Variants in DDX31 observed in about 807,000 individuals in gnomAD.
DDX31 encodes DEAD-box helicase 31, also known as ATP-dependent DNA helicase DDX31.
A neutral mutation model predicts 91.3 loss-of-function variants in DDX31; 70 were observed. The ratio of observed to expected loss-of-function variants is 0.77; its 90% CI spans 0.63 to 0.94. The LOEUF is 0.94. Among genes scored for constraint, DDX31 ranks in the 40% least tolerant of loss-of-function variants. DDX31 has a pLI of 0.00. For missense variants in DDX31, 902 were observed against 925.0 expected, an observed-to-expected ratio of 0.98 and a Z score of 0.32; for synonymous variants, 362 against 350.6, an observed-to-expected ratio of 1.03 and a Z score of -0.36.
At chr9:132,654,945 C>CAAAAAAAAA (rs140953433) in intron 6 of DDX31, among the ~76,000 whole-genome samples, 1 of 90,228 alleles carries the variant, frequency 1.1e-5, no homozygotes. Context: ...GACTCTGTCT[C>CAAAAAAAAA]AAAAAAAAAA....
At chr9:132,667,772 C>G (rs1011766347) in intron 1 of DDX31, among the ~76,000 whole-genome samples, 1 of 152,172 alleles carries the variant, frequency 6.6e-6, no homozygotes, top group African/African-American at 2.4e-5. Context: ...GCAGAGGACA[C>G]AAGCACCCCA....
rs1480060962 is a variant in DDX31, at chr9:132,593,164, T to C, written c.*1702A>G. The C allele has an allele frequency of 6.6e-6, 1 of 152,218 alleles. No homozygotes were observed. Among genetic ancestry groups the C allele is most frequent in the African/African-American group, 2.4e-5 (1 of 41,450 alleles). The allele number at this position is 152,218 out of a possible 1,614,324, so 9.4% of individuals were successfully genotyped here. ...AACCCTCACCATAAGAGTTAGCAGA[T>C]TAAGTGTGTAAGTTTTGATCTTGGA... On this transcript the variant is annotated 3_prime_UTR_variant, in exon 20 of 20. Coordinates refer to ENST00000372159, the MANE Select transcript of DDX31 (RefSeq NM_022779.9).
chr9:132,618,612 C>G (rs942141473), intron 17 of DDX31, among the ~76,000 whole-genome samples, 171 bp from the exon 18 acceptor site: 1 of 152,140 alleles, frequency 6.6e-6, no homozygotes, highest in Non-Finnish European at 1.5e-5. Flanking sequence ...ATGTCAAAGT[C>G]AAGTAAGGAT....
At chr9:132,639,320 C>T (rs758727820) in intron 14 of DDX31, among the ~76,000 whole-genome samples, 3 of 151,972 alleles carry the variant, frequency 2.0e-5, no homozygotes, top group Non-Finnish European at 4.4e-5. Context: ...AGAAATGAAC[C>T]CCACCCAGCT....
In DDX31 at chr9:132,618,375, C is replaced by T. The variant is rs747053409; in HGVS notation, c.1780G>A (p.Asp594Asn). 6.2e-7 allele frequency: 1 copy of T among 1,612,374 alleles called. No individual in the cohort carries two copies. The highest frequency in any genetic ancestry group is 8.5e-7 in the Non-Finnish European group (1 of 1,179,386). The change falls in exon 18 of 20, where the codon GAT (aspartate) becomes AAT (asparagine). Residue 594 changes from aspartate to asparagine, a missense_variant. Physicochemically the swap from Asp to Asn is conservative, Grantham distance 23. Coordinates refer to ENST00000372159, the MANE Select transcript of DDX31 (RefSeq NM_022779.9). ...RATVLQTVFE[D>N]YVHSSERRVS... ...CTCCTCTCACTGGAGTGCACGTAATCTTCAAATACCGTCTGCAAGACTGTG... is the reference window on the plus strand; with the variant it reads ...CTCCTCTCACTGGAGTGCACGTAATTTTCAAATACCGTCTGCAAGACTGTG...
At chr9:132,659,616 C>T in intron 5 of DDX31, 94 bp downstream of exon 5, 1 of 1,269,496 alleles carries the variant, frequency 7.9e-7, no homozygotes, top group Non-Finnish European at 1.1e-6. Flanking sequence ...AACAAAACTG[C>T]CACCACCACC....
At position 132,648,472 on chromosome 9, in the gene DDX31, A is replaced by G. The variant is rs1268826278; in HGVS notation, c.820T>C (p.Phe274Leu). Residue 274 changes from phenylalanine to leucine, a missense_variant, in exon 10 of 20, where the codon TTT becomes CTT. Phe to Leu is a conservative substitution (Grantham distance 22, BLOSUM62 0). Transcript: ENST00000372159. The stretch of plus-strand genomic sequence containing the variant: ...AACACCAACCACCGCAGCCGACTAA[A>G]ATGAATGTTCTTTGTGGATTTTATA... ...DHIKSTKNIH[F>L]SRLRWLVFDE... is the part of the protein sequence containing the mutation. 1.2e-6 allele frequency: 2 copies of G among 1,614,070 alleles called. No homozygotes were observed. The highest frequency in any genetic ancestry group is 2.2e-5 in the South Asian group (2 of 91,034).
At chr9:132,662,406 T>C (rs1590106188) in intron 2 of DDX31, 33 bp downstream of exon 2, 1 of 1,613,816 alleles carries the variant, frequency 6.2e-7, no homozygotes, top group East Asian at 2.2e-5. Flanking sequence ...ACACATTTTT[T>C]TCTTCCTGAA....
In DDX31 at chr9:132,593,758, G is replaced by C. The variant is rs1337416827; in HGVS notation, c.*1108C>G. ...CTCGTGGCCACTCAGACCTTCCAAGGATCTGGGGGGATCTACTGAAGTGGT... is the reference window on the plus strand; with the variant it reads ...CTCGTGGCCACTCAGACCTTCCAAGCATCTGGGGGGATCTACTGAAGTGGT... On this transcript the variant is annotated 3_prime_UTR_variant, in exon 20 of 20. Transcript: ENST00000372159. The C allele has an allele frequency of 8.3e-6, 1 of 120,576 alleles. No individual in the cohort carries two copies. The highest frequency in any genetic ancestry group is 3.2e-4 in the East Asian group (1 of 3,162). The allele number at this position is 120,576 out of a possible 1,614,324, so 7.5% of individuals were successfully genotyped here.
chr9:132,646,886 C>T lies in DDX31; in HGVS notation c.1140G>A (p.Val380=). 2 of 1,614,178 alleles carry T rather than the reference C, an allele frequency of 1.2e-6. No individual in the cohort carries two copies. The highest frequency in any genetic ancestry group is 1.7e-5 in the Admixed American group (1 of 60,028). The part of the protein sequence containing the change: ...FAIPESLKQH[V]TVVPSKLRLV... Reference sequence around the variant, plus strand: ...GCCTCAGTTTGCTGGGAACCACAGTCACATGCTGCTTGAGACTCTCTGGTA... The same window carrying T: ...GCCTCAGTTTGCTGGGAACCACAGTTACATGCTGCTTGAGACTCTCTGGTA... Residue 380 remains valine (V), a synonymous_variant, in exon 12 of 20, where the codon GTG becomes GTA. Coordinates refer to ENST00000372159, the MANE Select transcript of DDX31 (RefSeq NM_022779.9).
intron 14 of DDX31, among the ~76,000 whole-genome samples, chr9:132,632,625 C>T (rs1279663042): frequency 6.6e-6 from 1 of 152,052 alleles, no homozygotes; most frequent in African/African-American, 2.4e-5. Context: ...TGGAACATCT[C>T]CCCTCAAGGC....
At chr9:132,651,584 A>G (rs1310013714) in intron 7 of DDX31, among the ~76,000 whole-genome samples, 3 of 152,248 alleles carry the variant, frequency 2.0e-5, no homozygotes, top group Non-Finnish European at 4.4e-5. Context: ...CTGTGCCAGG[A>G]TATCTGAAGC....
intron 1 of DDX31, chr9:132,669,598 T>C (rs1835584150): frequency 6.6e-7 from 1 of 1,506,522 alleles, no homozygotes. Flanking sequence ...TCTAATTCCT[T>C]CCTTTACTTT....
intron 17 of DDX31, among the ~76,000 whole-genome samples, chr9:132,623,551 C>CAAAAAAA (rs34868804): frequency 3.0e-5 from 2 of 66,734 alleles, no homozygotes; most frequent in African/African-American, 5.8e-5. Flanking sequence ...GACTCCATCT[C>CAAAAAAA]AAAAAAAAAA....
intron 19 of DDX31, among the ~76,000 whole-genome samples, chr9:132,608,303 A>G (rs1304088561): frequency 6.6e-6 from 1 of 152,122 alleles, no homozygotes; most frequent in African/African-American, 2.4e-5. Flanking sequence ...CTGTATTTCT[A>G]TGTGTAGGGG....
intron 19 of DDX31, among the ~76,000 whole-genome samples, chr9:132,599,682 T>A (rs1830625112): frequency 6.6e-6 from 1 of 152,232 alleles, no homozygotes; most frequent in South Asian, 2.1e-4. Flanking sequence ...TGGCTTTGAG[T>A]TGGTTTGATT....
intron 9 of DDX31, 45 bp downstream of exon 9, chr9:132,650,189 G>T: frequency 6.3e-7 from 1 of 1,578,812 alleles, no homozygotes; most frequent in Non-Finnish European, 8.7e-7. Flanking sequence ...TAGGAAGGCA[G>T]GACACATTCA....
chr9:132,651,000 G>A, intron 8 of DDX31, 75 bp downstream of exon 8: 1 of 1,309,612 alleles, frequency 7.6e-7, no homozygotes, highest in Non-Finnish European at 1.1e-6. Flanking sequence ...TGAAAATAAA[G>A]AATAGACTGT....
At chr9:132,620,589 G>GA (rs150744329) in intron 17 of DDX31, among the ~76,000 whole-genome samples, 58 of 149,434 alleles carry the variant, frequency 3.9e-4, no homozygotes, top group African/African-American at 9.8e-4. Context: ...CAATACTTAG[G>GA]AAAAAAAAAA....
Sources: allele counts gnomAD v4.1 joint callset (sites outside exome capture counted in the v4.1 genomes callset), GRCh38; gene constraint gnomAD v4.1.1; transcripts MANE v1.5; gene names NCBI Gene and HGNC (gene_info 2026-07-23, HGNC 2026-07-21).